The following PWWP3B variants were observed in gnomAD, a reference collection of about 807,000 sequenced individuals.
The protein encoded by PWWP3B is PWWP domain-containing DNA repair factor 3B.
Under a neutral mutation model 15.7 loss-of-function variants are expected in PWWP3B, and 5 were observed. The observed-to-expected ratio is 0.32, with a 90% CI of 0.17 to 0.67. The LOEUF (loss-of-function observed/expected upper bound fraction) is 0.67. Ranked by LOEUF, PWWP3B falls within the 30% of genes least tolerant of loss-of-function variation. The pLI is 0.74. For missense variants in PWWP3B, 519 were observed against 493.1 expected, an observed-to-expected ratio of 1.05 and a Z score of -0.50; for synonymous variants, 203 against 179.8, an observed-to-expected ratio of 1.13 and a Z score of -1.03.
At chrX:106,187,134 G>A (rs1019104755) in intron 2 of PWWP3B, among the ~76,000 whole-genome samples, 1 of 111,217 alleles carries the variant, frequency 9.0e-6, no homozygotes, top group African/African-American at 3.3e-5. Context: ...GATTAAGGGA[G>A]GACTCCTTTT....
chrX:106,193,344 C>T (rs1044256020), intron 2 of PWWP3B, among the ~76,000 whole-genome samples: 16 of 110,581 alleles, frequency 1.4e-4, no homozygotes, highest in East Asian at 5.7e-4. Context: ...CTGTTTTATC[C>T]GAGACTAGGA....
intron 2 of PWWP3B, among the ~76,000 whole-genome samples, chrX:106,193,345 G>A (rs1334289821): frequency 5.4e-5 from 6 of 110,974 alleles, no homozygotes; most frequent in Non-Finnish European, 7.5e-5. Flanking sequence ...TGTTTTATCC[G>A]AGACTAGGAT....
At chrX:106,187,857 C>G (rs1922615234) in intron 2 of PWWP3B, among the ~76,000 whole-genome samples, 1 of 111,986 alleles carries the variant, frequency 8.9e-6, no homozygotes, top group Admixed American at 9.5e-5. Flanking sequence ...ACCTTATGCA[C>G]TAAAATAATG....
At chrX:106,186,937 G>T (rs1922550196) in intron 2 of PWWP3B, among the ~76,000 whole-genome samples, 1 of 111,840 alleles carries the variant, frequency 8.9e-6, no homozygotes, top group Non-Finnish European at 1.9e-5. Flanking sequence ...GTGCTGATTG[G>T]TGCATTTACA....
At chrX:106,202,364 A>G (rs1295919157) in intron 2 of PWWP3B, among the ~76,000 whole-genome samples, 1 of 112,129 alleles carries the variant, frequency 8.9e-6, no homozygotes, top group African/African-American at 3.2e-5. Flanking sequence ...CTATTTCAGC[A>G]TCTTTAGAGT....
chrX:106,199,692 T>C (rs1202551869), intron 2 of PWWP3B, among the ~76,000 whole-genome samples: 1 of 111,163 alleles, frequency 9.0e-6, no homozygotes, highest in African/African-American at 3.3e-5. Context: ...TCACAGCAAT[T>C]TCTGCTTGCA....
At chrX:106,178,118 A>G (rs1921995903) in intron 2 of PWWP3B, among the ~76,000 whole-genome samples, 1 of 111,797 alleles carries the variant, frequency 8.9e-6, no homozygotes, top group Admixed American at 9.5e-5. Context: ...GGACCTGATC[A>G]AGTGGGTAGC....
chrX:106,201,569 T>A (rs771004916), intron 2 of PWWP3B, among the ~76,000 whole-genome samples: 1 of 112,716 alleles, frequency 8.9e-6, no homozygotes, highest in African/African-American at 3.2e-5. Context: ...AAAAGTTTTT[T>A]AAAAAGGAAC....
At chrX:106,191,829 A>G (rs1922988931) in intron 2 of PWWP3B, among the ~76,000 whole-genome samples, 2 of 111,698 alleles carry the variant, frequency 1.8e-5, no homozygotes, top group African/African-American at 3.3e-5. Flanking sequence ...TTCTGTTTAT[A>G]TGTTGGATTA....
chrX:106,186,601 G>T (rs1015560593), intron 2 of PWWP3B, among the ~76,000 whole-genome samples: 1 of 111,041 alleles, frequency 9.0e-6, no homozygotes, highest in African/African-American at 3.3e-5. Flanking sequence ...GTGGGTTCCT[G>T]GTCTCACTGA....
chrX:106,189,657 G>C (rs756463164), intron 2 of PWWP3B, among the ~76,000 whole-genome samples: 1 of 90,062 alleles, frequency 1.1e-5, no homozygotes, highest in Non-Finnish European at 2.1e-5. Context: ...TCGCTCTGTC[G>C]CCCAGGCTGG....
chrX:106,200,562 C>T (rs184526302), intron 2 of PWWP3B, among the ~76,000 whole-genome samples: 1 of 110,874 alleles, frequency 9.0e-6, no homozygotes, highest in African/African-American at 3.3e-5. Flanking sequence ...ATACTTTATT[C>T]CCCAAATCAT....
At chrX:106,188,379 C>T (rs1026997616) in intron 2 of PWWP3B, among the ~76,000 whole-genome samples, 1 of 111,911 alleles carries the variant, frequency 8.9e-6, no homozygotes, top group Non-Finnish European at 1.9e-5. Context: ...GTGGAACCCA[C>T]AGCCTTCTTT....
chrX:106,180,381 A>G (rs1487167134), intron 2 of PWWP3B, among the ~76,000 whole-genome samples: 1 of 111,000 alleles, frequency 9.0e-6, no homozygotes, highest in East Asian at 2.8e-4. Flanking sequence ...CCCAACCACA[A>G]TATGTTTATT....
At chrX:106,170,252 C>T (rs765905912) in intron 1 of PWWP3B, among the ~76,000 whole-genome samples, 76 of 112,002 alleles carry the variant, frequency 6.8e-4, no homozygotes, top group Non-Finnish European at 1.1e-3. Flanking sequence ...AAAGCTTCCA[C>T]ATTGGTAAGT....
At chrX:106,204,709 T>C (rs1200570410) in intron 3 of PWWP3B, among the ~76,000 whole-genome samples, 1 of 111,753 alleles carries the variant, frequency 8.9e-6, no homozygotes, top group African/African-American at 3.3e-5. Flanking sequence ...CCTCAAAGAG[T>C]TCTTTTTAAA....
chrX:106,191,392 G>T (rs1477095075), intron 2 of PWWP3B, among the ~76,000 whole-genome samples: 1 of 111,671 alleles, frequency 9.0e-6, no homozygotes, highest in African/African-American at 3.3e-5. Flanking sequence ...CATTGATTTT[G>T]TATCCTGAGA....
chrX:106,206,323 A>G lies in PWWP3B; in HGVS notation c.891A>G (p.Gln297=), dbSNP rs750985309. 30 of 1,202,235 alleles carry G rather than the reference A, an allele frequency of 2.5e-5. No individual in the cohort carries two copies. The highest frequency in any genetic ancestry group is 3.4e-5 in the Non-Finnish European group (30 of 890,999). Residue 297 remains glutamine (Q), a synonymous_variant, in exon 4 of 4, where the codon CAA becomes CAG. Transcript: ENST00000357175. ...SNPCLDTSQN[Q]PSMESEMGAA... ...CATGCTTAGATACCAGCCAGAATCA[A>G]CCTTCCATGGAATCAGAGATGGGGG...
intron 1 of PWWP3B, among the ~76,000 whole-genome samples, chrX:106,169,869 G>C (rs1425844002): frequency 1.8e-5 from 2 of 111,856 alleles, no homozygotes; most frequent in Non-Finnish European, 3.8e-5. Flanking sequence ...TTACCAAAAA[G>C]AATGTGCATG....
Sources: allele counts gnomAD v4.1 joint callset (sites outside exome capture counted in the v4.1 genomes callset), GRCh38; gene constraint gnomAD v4.1.1; transcripts MANE v1.5; gene names NCBI Gene and HGNC (gene_info 2026-07-23, HGNC 2026-07-21).